Variants in SGK1 observed in about 807,000 individuals in gnomAD.
SGK1 encodes serum/glucocorticoid regulated kinase 1.
SGK1 carries 26 observed loss-of-function variants against 64.2 expected under a neutral mutation model. The ratio of observed to expected loss-of-function variants is 0.40; its 90% CI spans 0.30 to 0.56. SGK1 has a LOEUF of 0.56. SGK1 is among the 20% of genes least tolerant of loss of function. The pLI, the probability that SGK1 is intolerant of heterozygous loss-of-function variation, is 0.38. For missense variants in SGK1, 519 were observed against 645.6 expected (o/e 0.80, Z 2.12); for synonymous variants, 265 against 239.7 (o/e 1.11, Z -0.98).
At chr6:134,246,984 G>A (rs1385696246) in intron 2 of SGK1, among the ~76,000 whole-genome samples, 2 of 152,076 alleles carry the variant, frequency 1.3e-5, no homozygotes, top group Non-Finnish European at 2.9e-5. Context: ...AACCATGCTT[G>A]ATGCATAGTA....
chr6:134,195,961 CT>C (rs1484897055), intron 3 of SGK1, among the ~76,000 whole-genome samples: 1 of 152,136 alleles, frequency 6.6e-6, no homozygotes, highest in Non-Finnish European at 1.5e-5. Context: ...AAGTGTAATC[CT>C]AGATAAATGT....
intron 2 of SGK1, among the ~76,000 whole-genome samples, chr6:134,256,602 C>G (rs904177821): frequency 6.6e-6 from 1 of 152,152 alleles, no homozygotes; most frequent in African/African-American, 2.4e-5. Flanking sequence ...AGTCAGCATA[C>G]ACCTCTCGAA....
At chr6:134,200,317 T>C in intron 3 of SGK1, among the ~76,000 whole-genome samples, 1 of 152,208 alleles carries the variant, frequency 6.6e-6, no homozygotes, top group East Asian at 1.9e-4. Flanking sequence ...TTCCCTATGA[T>C]GAGCATATGC....
In SGK1 at chr6:134,172,236, A is replaced by G; in HGVS notation, c.1028T>C (p.Ile343Thr). 1 of 1,614,194 alleles carries G rather than the reference A, an allele frequency of 6.2e-7. No individual in the cohort carries two copies. The highest frequency in any genetic ancestry group is 8.5e-7 in the Non-Finnish European group (1 of 1,180,020). The stretch of plus-strand genomic sequence containing the variant: ...GGTGGATGTTGTGCTGTTGTGTTCA[A>G]TGTTCTCCTTGCAGAGTCCGAAGTC... The part of the protein sequence containing the change: ...LTDFGLCKEN[I>T]EHNSTTSTFC... Residue 343 changes from isoleucine to threonine, a missense_variant, in exon 10 of 14, where the codon ATT (isoleucine) becomes ACT (threonine). Transcript: ENST00000367858.
At chr6:134,263,618 C>T (rs1359446121) in intron 1 of SGK1, among the ~76,000 whole-genome samples, 1 of 152,190 alleles carries the variant, frequency 6.6e-6, no homozygotes, top group East Asian at 1.9e-4. Context: ...TTCTAAAACT[C>T]ACCACTTGTC....
chr6:134,304,550 G>T (rs1777507211), intron 1 of SGK1, among the ~76,000 whole-genome samples: 1 of 152,084 alleles, frequency 6.6e-6, no homozygotes, highest in African/African-American at 2.4e-5. Context: ...GCTTGAATCT[G>T]GGAGGCGGAG....
intron 3 of SGK1, among the ~76,000 whole-genome samples, chr6:134,183,868 C>G (rs1301897292): frequency 7.3e-6 from 1 of 136,986 alleles, no homozygotes; most frequent in Non-Finnish European, 1.6e-5. Context: ...CACCCCCCAC[C>G]CCCGGCATTG....
At chr6:134,252,130 GA>G (rs1776615215) in intron 2 of SGK1, among the ~76,000 whole-genome samples, 1 of 152,208 alleles carries the variant, frequency 6.6e-6, no homozygotes, top group Non-Finnish European at 1.5e-5. Flanking sequence ...GATTCTTAGA[GA>G]AGAGAAAGGG....
At chr6:134,171,419 C>T (rs1436233836) in intron 11 of SGK1, 4 of 609,158 alleles carry the variant, frequency 6.6e-6, no homozygotes, top group Non-Finnish European at 1.2e-5. Flanking sequence ...TTTTCACCAC[C>T]ACACAGGTTC....
intron 3 of SGK1, among the ~76,000 whole-genome samples, chr6:134,202,581 G>A (rs996852188): frequency 6.6e-6 from 1 of 152,120 alleles, no homozygotes; most frequent in Admixed American, 6.5e-5. Flanking sequence ...CCGGGAGGTG[G>A]AAGTTGCAGT....
At chr6:134,284,625 C>T (rs1777153957) in intron 1 of SGK1, among the ~76,000 whole-genome samples, 1 of 152,058 alleles carries the variant, frequency 6.6e-6, no homozygotes, top group African/African-American at 2.4e-5. Flanking sequence ...GCTGGGACTA[C>T]AGGTGCACAC....
At chr6:134,206,374 TATATATATA>T (rs1214453388) in intron 3 of SGK1, among the ~76,000 whole-genome samples, 116 of 7,418 alleles carry the variant, frequency 0.016, 2 homozygotes, top group African/African-American at 0.029. Flanking sequence ...TATATATATA[TATATATATA>T]TTTTTTTTTT....
chr6:134,301,833 G>T (rs1057057904), intron 1 of SGK1, among the ~76,000 whole-genome samples: 3 of 152,278 alleles, frequency 2.0e-5, no homozygotes, highest in Non-Finnish European at 4.4e-5. Flanking sequence ...CTGGGCTCAA[G>T]CAATCCTCCC....
intron 2 of SGK1, among the ~76,000 whole-genome samples, chr6:134,246,805 C>T (rs1776531992): frequency 6.6e-6 from 1 of 152,070 alleles, no homozygotes; most frequent in Non-Finnish European, 1.5e-5. Context: ...GTTGGCTAGG[C>T]TGGTCTCAAA....
chr6:134,173,128 A>G lies in SGK1; in HGVS notation c.729T>C (p.Asn243=), dbSNP rs767198358. 7 of 1,614,072 alleles carry G rather than the reference A, an allele frequency of 4.3e-6. No individual in the cohort carries two copies. The South Asian group carries it at 7.7e-5, about 18-fold the overall frequency. Residue 243 remains asparagine, a synonymous_variant, in exon 8 of 14, where the codon AAT becomes AAC. Coordinates refer to ENST00000367858, the MANE Select transcript of SGK1 (RefSeq NM_001143676.3). The part of the protein sequence containing the change: ...KEEKHIMSER[N]VLLKNVKHPF... ...GGTGCTTCACATTCTTCAACAGAAC[A>G]TTCCGCTCCGACATAATATGCTTCT...
At chr6:134,171,223 TA>T (rs1562236218) in intron 11 of SGK1, 45 bp from the exon 12 acceptor site, 1 of 1,563,952 alleles carries the variant, frequency 6.4e-7, no homozygotes. Flanking sequence ...GGAAGTTTCA[TA>T]TGGCACACAT....
chr6:134,303,868 T>C (rs2114795380), intron 1 of SGK1, among the ~76,000 whole-genome samples: 1 of 152,258 alleles, frequency 6.6e-6, no homozygotes, highest in East Asian at 1.9e-4. Context: ...AGAGGTGAAG[T>C]TTATTTTCCT....
At chr6:134,284,525 G>A (rs1389702696) in intron 1 of SGK1, among the ~76,000 whole-genome samples, 5 of 143,750 alleles carry the variant, frequency 3.5e-5, no homozygotes, top group East Asian at 2.1e-4. Context: ...TCACTCTATC[G>A]CCCAGGCTGG....
chr6:134,301,568 C>T lies in SGK1; in HGVS notation c.69+15824G>A, dbSNP rs1777457513. On this transcript the variant is annotated intron_variant, in intron 1 of 13. Transcript: ENST00000367858. The stretch of plus-strand genomic sequence containing the variant: ...CTTCTCTTCTCTTCTCTTCTCTTCT[C>T]TTCTCTTCTCTTCTCTTCCCTTCTC... Among the ~76,000 whole-genome samples the T allele has an allele frequency of 3.3e-5, 5 of 150,378 alleles. No homozygotes were observed. In the South Asian group the frequency reaches 1.0e-3, roughly 32 times the overall value.
Sources: allele counts gnomAD v4.1 joint callset (sites outside exome capture counted in the v4.1 genomes callset), GRCh38; gene constraint gnomAD v4.1.1; transcripts MANE v1.5; gene names NCBI Gene and HGNC (gene_info 2026-07-23, HGNC 2026-07-21).